The following SPTBN4 variants were observed in gnomAD, a reference collection of about 807,000 sequenced individuals.
SPTBN4 encodes the protein spectrin beta, non-erythrocytic 4, also known as spectrin beta chain, non-erythrocytic 4.
Under a neutral mutation model 277.8 loss-of-function variants are expected in SPTBN4, and 96 were observed. The ratio of observed to expected loss-of-function variants is 0.35; its 90% confidence interval spans 0.29 to 0.41. SPTBN4 has a LOEUF of 0.41. Ranked by LOEUF, SPTBN4 falls within the 10% of genes least tolerant of loss-of-function variation. The probability of loss-of-function intolerance (pLI) is 1.00; values close to 1 mark genes in which losing one functional copy is unlikely to be tolerated. For synonymous variants in SPTBN4, 1,481 were observed against 1,580.3 expected (o/e 0.94, Z 1.49); for missense variants, 3,006 against 3,595.7 (o/e 0.84, Z 4.19).
intron 5 of SPTBN4, 112 bp from the exon 6 acceptor site, chr19:40,494,785 C>T: frequency 5.7e-6 from 5 of 883,570 alleles, no homozygotes; most frequent in Admixed American, 2.3e-5. Flanking sequence ...TATGTTCTAC[C>T]CCCTCTCTCT....
At position 40,513,124 on chromosome 19, in the gene SPTBN4, G is replaced by C; in HGVS notation, c.2335G>C (p.Gly779Arg). ...LQEARALHQF[G>R]ADLDGLLDWL... ...GGAGGCGCGGGCGCTGCACCAGTTC[G>C]GCGCTGACCTCGACGGGCTGCTGGA... The change falls in exon 14 of 36, where the codon GGC becomes CGC. Residue 779 changes from glycine (G) to arginine (R), a missense_variant. This residue lies in a region of SPTBN4 where 1,759 missense variants were observed against 2,061.5 expected (regional missense o/e 0.85). Coordinates refer to ENST00000598249, the MANE Select transcript of SPTBN4 (RefSeq NM_020971.3). 6 of 1,480,746 alleles carry C rather than the reference G, an allele frequency of 4.1e-6. No homozygotes were observed. Among genetic ancestry groups the C allele is most frequent in the Non-Finnish European group, 5.3e-6 (6 of 1,124,752 alleles). 91.7% of individuals were successfully genotyped at this position (1,480,746 alleles called of 1,614,324 possible).
At position 40,495,504 on chromosome 19, in the gene SPTBN4, C is replaced by T. The variant is rs1296342352; in HGVS notation, c.668+527C>T. ...CTAAAAATAAAAATAAAAAATTAGC[C>T]AGGTGTGGTGGTGCGCCCCTGTAGT... is the stretch of plus-strand genomic sequence containing the variant. On this transcript the variant is annotated intron_variant, in intron 6 of 35. Transcript: ENST00000598249. 2.0e-5 allele frequency among the ~76,000 whole-genome samples: 3 copies of T among 151,992 alleles called. No individual in the cohort carries two copies. The East Asian group carries it at 5.8e-4, about 29-fold the overall frequency.
chr19:40,544,071 A>G (rs915856307), intron 20 of SPTBN4, among the ~76,000 whole-genome samples: 2 of 151,386 alleles, frequency 1.3e-5, no homozygotes, highest in African/African-American at 4.9e-5. Flanking sequence ...ATGCATGTGC[A>G]ATCCACTATA....
rs2081193181 is a variant in SPTBN4 at position 40,575,474 on chromosome 19, C to G, written c.7600C>G (p.Arg2534Gly). The stretch of plus-strand genomic sequence containing the variant: ...GGTGGCGGAACACGCAGAGATCGCC[C>G]GCTGGGGCCAGACACTACCCACTAC... ...SSVAEHAEIA[R>G]WGQTLPTTSS... Residue 2534 changes from arginine (R) to glycine (G), a missense_variant, in exon 36 of 36, where the codon CGC becomes GGC. Physicochemically the swap from Arg to Gly is moderately radical, Grantham distance 125. This residue lies in a region of SPTBN4 where 630 missense variants were observed against 677.6 expected (regional missense o/e 0.93). Coordinates refer to ENST00000598249, the MANE Select transcript of SPTBN4 (RefSeq NM_020971.3). The G allele has an allele frequency of 6.2e-7, 1 of 1,613,224 alleles. No homozygotes were observed. The highest frequency in any genetic ancestry group is 8.5e-7 in the Non-Finnish European group (1 of 1,179,804).
chr19:40,471,895 A>C (rs2079887810), intron 1 of SPTBN4, among the ~76,000 whole-genome samples: 3 of 132,968 alleles, frequency 2.3e-5, no homozygotes, highest in African/African-American at 9.0e-5. Context: ...CGTTGCCACC[A>C]CATCCAGCTA....
chr19:40,529,167 C>T (rs1209098009), intron 18 of SPTBN4, 36 bp downstream of exon 18: 1 of 1,588,336 alleles, frequency 6.3e-7, no homozygotes, highest in East Asian at 2.2e-5. Context: ...CGGAGACATC[C>T]CCTTTAGTCG....
Position 40,568,522 on chromosome 19 carries a change from G to A in SPTBN4, c.6956+240G>A, listed in dbSNP as rs116830315. Among the ~76,000 whole-genome samples the A allele has an allele frequency of 2.1e-3, 317 of 152,300 alleles. 1 individual carries two copies. The highest frequency in any genetic ancestry group is 7.2e-3 in the African/African-American group (298 of 41,572). On this transcript the variant is annotated intron_variant, in intron 31 of 35. Transcript: ENST00000598249. Reference sequence around the variant, plus strand: ...AAAGGCAGACTGCCTTTCTCCAGACGTAGGTTCTCGGCCCCTGGGTTGTGA... The same window carrying A: ...AAAGGCAGACTGCCTTTCTCCAGACATAGGTTCTCGGCCCCTGGGTTGTGA...
chr19:40,507,335 A>T (rs1010831954), intron 13 of SPTBN4, among the ~76,000 whole-genome samples: 12 of 151,922 alleles, frequency 7.9e-5, no homozygotes, highest in African/African-American at 2.2e-4. Context: ...AAAATAAAAA[A>T]AAAAAAAGTC....
intron 17 of SPTBN4, among the ~76,000 whole-genome samples, chr19:40,527,165 G>A (rs1490444137): frequency 1.3e-5 from 2 of 151,994 alleles, no homozygotes; most frequent in Non-Finnish European, 2.9e-5. Flanking sequence ...ATCTATTTCT[G>A]TATCTCTGTT....
intron 1 of SPTBN4, among the ~76,000 whole-genome samples, chr19:40,470,220 A>C (rs2079869318): frequency 6.6e-6 from 1 of 151,728 alleles, no homozygotes; most frequent in Non-Finnish European, 1.5e-5. Flanking sequence ...ACTGGTCTCG[A>C]ACCCCTGAGC....
chr19:40,547,396 A>G (rs1188375206), intron 20 of SPTBN4, among the ~76,000 whole-genome samples: 2 of 152,104 alleles, frequency 1.3e-5, no homozygotes, highest in Non-Finnish European at 1.5e-5. Flanking sequence ...TCCATGGTGT[A>G]TATGTGCCAC....
In SPTBN4 at chr19:40,504,266, G is replaced by A. The variant is rs554858261; in HGVS notation, c.1665+134G>A. Reference sequence around the variant, plus strand: ...AGAAGAAGATAGAGAGAAAGCCAGGGAGACAAAAAGAGAGAACAAGAGAGA... The same window carrying A: ...AGAAGAAGATAGAGAGAAAGCCAGGAAGACAAAAAGAGAGAACAAGAGAGA... On this transcript the variant is annotated intron_variant, in intron 12 of 35. Transcript: ENST00000598249. The A allele has an allele frequency of 1.1e-3, 1,006 of 900,306 alleles. 13 individuals are homozygous for A. The African/African-American group carries it at 0.016, about 14-fold the overall frequency. The allele number at this position is 900,306 out of a possible 1,614,324, so 55.8% of individuals were successfully genotyped here. A position where few individuals can be genotyped will look rare whatever the true frequency, so the allele number is the denominator to read the frequency against.
chr19:40,566,713 C>T (rs2081095803), intron 30 of SPTBN4, among the ~76,000 whole-genome samples: 1 of 152,114 alleles, frequency 6.6e-6, no homozygotes, highest in South Asian at 2.1e-4. Context: ...GCCTGTAGTC[C>T]CAGCATTTTG....
intron 6 of SPTBN4, among the ~76,000 whole-genome samples, chr19:40,495,988 C>T (rs1453249422): frequency 1.3e-5 from 2 of 152,178 alleles, no homozygotes; most frequent in African/African-American, 2.4e-5. Context: ...CACCTCCATA[C>T]ACAGAAACTC....
intron 2 of SPTBN4, among the ~76,000 whole-genome samples, chr19:40,474,708 T>C (rs2079927761): frequency 6.6e-6 from 1 of 152,076 alleles, no homozygotes; most frequent in African/African-American, 2.4e-5. Flanking sequence ...GAGACCAGCC[T>C]GACCAATATG....
intron 16 of SPTBN4, among the ~76,000 whole-genome samples, chr19:40,520,730 G>A (rs1385657834): frequency 6.6e-6 from 1 of 152,148 alleles, no homozygotes; most frequent in African/African-American, 2.4e-5. Context: ...CAAGTGCAGT[G>A]GTTATCTGGG....
intron 35 of SPTBN4, 186 bp downstream of exon 35, chr19:40,572,566 G>A: frequency 3.0e-6 from 2 of 659,180 alleles, no homozygotes; most frequent in Non-Finnish European, 5.2e-6. Context: ...GGAGTGGGAA[G>A]GGCTTCAGGG....
intron 29 of SPTBN4, 85 bp from the exon 30 acceptor site, chr19:40,566,078 G>A (rs1440548095): frequency 7.3e-7 from 1 of 1,362,012 alleles, no homozygotes; most frequent in Admixed American, 2.9e-5. Flanking sequence ...AAGCCGGAGG[G>A]GTGTGGAAGG....
intron 13 of SPTBN4, among the ~76,000 whole-genome samples, chr19:40,507,068 C>G (rs2080338762): frequency 6.6e-6 from 1 of 152,082 alleles, no homozygotes; most frequent in East Asian, 1.9e-4. Context: ...GTTCAAATGG[C>G]TTAAGGTGAA....
Sources: gnomAD v4.1 joint callset for allele counts (sites outside exome capture counted in the v4.1 genomes callset) on GRCh38, gnomAD v4.1.1 for gene constraint, gnomAD v4.1.1 regional missense constraint, MANE v1.5 for transcripts, NCBI Gene and HGNC (gene_info 2026-07-23, HGNC 2026-07-21) for gene names.